The following ERBIN variants were observed in gnomAD, a reference collection of about 807,000 sequenced individuals.
ERBIN encodes the protein densin-180-like protein.
Under a neutral mutation model 158.4 loss-of-function variants are expected in ERBIN, and 60 were observed. The observed-to-expected ratio is 0.38, with a 90% CI of 0.31 to 0.47. ERBIN has a LOEUF of 0.47. Among genes scored for constraint, ERBIN ranks in the 20% least tolerant of loss-of-function variants. The pLI, the probability that ERBIN is intolerant of heterozygous loss-of-function variation, is 0.99. For synonymous variants in ERBIN, 594 were observed against 557.2 expected, an observed-to-expected ratio of 1.07 and a Z score of -0.93; for missense variants, 1,610 against 1,648.0, an observed-to-expected ratio of 0.98 and a Z score of 0.40.
At chr5:66,064,346 A>T (rs1280182173) in intron 21 of ERBIN, among the ~76,000 whole-genome samples, 1 of 152,230 alleles carries the variant, frequency 6.6e-6, no homozygotes, top group Admixed American at 6.5e-5. Context: ...GTCATAATAT[A>T]TAAAGTTTAT....
intron 1 of ERBIN, among the ~76,000 whole-genome samples, chr5:65,935,016 A>C (rs1469494453): frequency 3.3e-5 from 5 of 152,152 alleles, no homozygotes; most frequent in Admixed American, 3.3e-4. Context: ...AATGATACTT[A>C]GAAGCCAAGA....
chr5:65,961,085 T>A (rs1332434946), intron 1 of ERBIN: 1 of 152,222 alleles, frequency 6.6e-6, no homozygotes, highest in Non-Finnish European at 1.5e-5. Context: ...ATTAAAAACC[T>A]TCTTAAAACA....
chr5:65,937,059 TACTA>T (rs1411600968), intron 1 of ERBIN, among the ~76,000 whole-genome samples: 1 of 152,240 alleles, frequency 6.6e-6, no homozygotes, highest in African/African-American at 2.4e-5. Flanking sequence ...ATCCACGACT[TACTA>T]ATTATGACAT....
chr5:66,076,254 A>T, intron 23 of ERBIN, 62 bp from the exon 24 acceptor site: 1 of 1,206,952 alleles, frequency 8.3e-7, no homozygotes, highest in East Asian at 2.3e-5. Context: ...TTAAATATGG[A>T]TGTTGTTGCA....
chr5:66,026,356 A>G lies in ERBIN; in HGVS notation c.1075A>G (p.Thr359Ala). Reference protein sequence around the residue: ...VLFLHSNKLETLPEEMGDMQK... With the variant: ...VLFLHSNKLEALPEEMGDMQK... Reference sequence around the variant, plus strand: ...GTTTCTCCATTCCAATAAACTTGAGACACTTCCAGAGGAAATGGGTGATAT... The same window carrying G: ...GTTTCTCCATTCCAATAAACTTGAGGCACTTCCAGAGGAAATGGGTGATAT... The change falls in exon 13 of 26, where the codon ACA becomes GCA. Residue 359 changes from threonine (T) to alanine (A), a missense_variant. Transcript: ENST00000284037. The G allele has an allele frequency of 6.2e-7, 1 of 1,601,782 alleles. No individual in the cohort carries two copies. Among genetic ancestry groups the G allele is most frequent in the Non-Finnish European group, 8.5e-7 (1 of 1,174,752 alleles).
At chr5:65,983,770 T>G (rs1193428698) in intron 1 of ERBIN, among the ~76,000 whole-genome samples, 1 of 152,154 alleles carries the variant, frequency 6.6e-6, no homozygotes, top group African/African-American at 2.4e-5. Flanking sequence ...CCTCCAAAGC[T>G]TCTCCGCATC....
chr5:66,061,371 C>T (rs1760303130), intron 21 of ERBIN, among the ~76,000 whole-genome samples: 1 of 151,722 alleles, frequency 6.6e-6, no homozygotes, highest in South Asian at 2.1e-4. Context: ...CAACCCCTGC[C>T]TTTTTTTTGT....
intron 1 of ERBIN, among the ~76,000 whole-genome samples, chr5:65,932,333 G>A (rs1252613700): frequency 3.0e-5 from 4 of 133,662 alleles, no homozygotes; most frequent in African/African-American, 8.7e-5. Context: ...GCAAGACTCC[G>A]TCTCAAAAAA....
intron 1 of ERBIN, among the ~76,000 whole-genome samples, chr5:65,947,387 G>A (rs545286349): frequency 7.9e-5 from 12 of 152,130 alleles, no homozygotes; most frequent in African/African-American, 2.9e-4. Flanking sequence ...ATGCCACCAC[G>A]CCTGGATAAT....
Position 65,994,734 on chromosome 5 carries a change from C to A in ERBIN, c.190-13C>A. The A allele has an allele frequency of 6.7e-7, 1 of 1,482,606 alleles. No homozygotes were observed. The highest frequency in any genetic ancestry group is 9.3e-7 in the Non-Finnish European group (1 of 1,080,654). The allele number at this position is 1,482,606 out of a possible 1,614,324, so 91.8% of individuals were successfully genotyped here. ...GTATATAATTGACATTCTTTCCTCC[C>A]TTTTTTCAATAGCAACTTTTTAACT... On this transcript the variant is annotated splice_polypyrimidine_tract_variant and intron_variant, in intron 3 of 25. Transcript: ENST00000284037.
At chr5:66,035,101 A>G (rs1757265538) in intron 14 of ERBIN, among the ~76,000 whole-genome samples, 1 of 151,976 alleles carries the variant, frequency 6.6e-6, no homozygotes, top group Non-Finnish European at 1.5e-5. Context: ...TTTCAGACAT[A>G]TTTGTTCTGC....
At chr5:65,995,345 A>T (rs1752311355) in intron 4 of ERBIN, among the ~76,000 whole-genome samples, 1 of 149,948 alleles carries the variant, frequency 6.7e-6, no homozygotes, top group Non-Finnish European at 1.5e-5. Flanking sequence ...CCTCAGCAAG[A>T]TTCCATATGT....
At chr5:66,077,080 G>C (rs531828499) in intron 25 of ERBIN, 131 bp downstream of exon 25, 1 of 612,602 alleles carries the variant, frequency 1.6e-6, no homozygotes, top group East Asian at 3.2e-5. Context: ...GAACCCGGGA[G>C]GCGGCACTTG....
chr5:66,051,395 G>A (rs13190402), intron 20 of ERBIN, among the ~76,000 whole-genome samples: 1 of 152,206 alleles, frequency 6.6e-6, no homozygotes, highest in Admixed American at 6.5e-5. Context: ...CTCACTGAGA[G>A]AGAGATAAAT....
At chr5:66,077,759 T>TACAC (rs70987111) in intron 25 of ERBIN, among the ~76,000 whole-genome samples, 3,148 of 139,302 alleles carry the variant, frequency 0.023, 39 homozygotes, top group Admixed American at 0.03. Context: ...TCCCTCCCTC[T>TACAC]ACACACACAC....
chr5:65,931,119 G>T (rs1743325795), intron 1 of ERBIN, among the ~76,000 whole-genome samples: 1 of 152,196 alleles, frequency 6.6e-6, no homozygotes, highest in East Asian at 1.9e-4. Flanking sequence ...AGCTTTAAAA[G>T]CATATTGAAT....
chr5:65,937,338 T>C (rs970023858), intron 1 of ERBIN, among the ~76,000 whole-genome samples: 2 of 152,356 alleles, frequency 1.3e-5, no homozygotes, highest in African/African-American at 2.4e-5. Flanking sequence ...GAAAAAATAA[T>C]CTAGCTTTAT....
chr5:65,994,709 G>T (rs780365015), intron 3 of ERBIN, 38 bp from the exon 4 acceptor site: 1 of 1,114,062 alleles, frequency 9.0e-7, no homozygotes, highest in Non-Finnish European at 1.3e-6. Flanking sequence ...ATTTAAAGAT[G>T]TATATAATTG....
At chr5:66,006,921 A>C (rs2151090086) in intron 4 of ERBIN, among the ~76,000 whole-genome samples, 1 of 150,420 alleles carries the variant, frequency 6.6e-6, no homozygotes, top group Middle Eastern at 3.4e-3. Context: ...GAGAAATAGG[A>C]ACACTTTTAC....
Sources: allele counts gnomAD v4.1 joint callset (sites outside exome capture counted in the v4.1 genomes callset), GRCh38; gene constraint gnomAD v4.1.1; transcripts MANE v1.5; gene names NCBI Gene and HGNC (gene_info 2026-07-23, HGNC 2026-07-21).